Variants in VTI1A observed in about 807,000 individuals in gnomAD.
VTI1A encodes vesicle transport through interaction with t-SNAREs 1A.
VTI1A carries 22 observed loss-of-function variants against 34.9 expected under a neutral mutation model. The observed-to-expected ratio is 0.63, with a 90% CI of 0.45 to 0.90. The LOEUF (loss-of-function observed/expected upper bound fraction) is 0.90, where lower values mean the gene tolerates loss of function less well. VTI1A is among the 40% of genes least tolerant of loss of function. The pLI is 0.00. For missense variants in VTI1A, 268 were observed against 275.6 expected (o/e 0.97, Z 0.20); for synonymous variants, 87 against 97.3 (o/e 0.89, Z 0.62).
At chr10:112,724,080 G>A (rs1590117484) in intron 7 of VTI1A, among the ~76,000 whole-genome samples, 1 of 152,212 alleles carries the variant, frequency 6.6e-6, no homozygotes, top group East Asian at 1.9e-4. Flanking sequence ...GCATATCTTT[G>A]TATCCCACAC....
intron 3 of VTI1A, among the ~76,000 whole-genome samples, chr10:112,469,801 C>T (rs950777625): frequency 6.6e-6 from 1 of 152,186 alleles, no homozygotes; most frequent in Admixed American, 6.5e-5. Flanking sequence ...CATTTTCAGC[C>T]AAAGACTTAG....
intron 7 of VTI1A, among the ~76,000 whole-genome samples, chr10:112,811,486 A>C (rs1853294911): frequency 6.6e-6 from 1 of 151,778 alleles, no homozygotes; most frequent in Non-Finnish European, 1.5e-5. Context: ...CGAGGTCAGG[A>C]GATAGAGACC....
At chr10:112,735,554 G>A (rs939626682) in intron 7 of VTI1A, among the ~76,000 whole-genome samples, 5 of 152,144 alleles carry the variant, frequency 3.3e-5, no homozygotes, top group Non-Finnish European at 7.3e-5. Context: ...GTTCAAAACT[G>A]GTTTCCTTAC....
intron 7 of VTI1A, among the ~76,000 whole-genome samples, chr10:112,704,112 T>A (rs1459462134): frequency 6.6e-6 from 1 of 152,242 alleles, no homozygotes; most frequent in African/African-American, 2.4e-5. Flanking sequence ...TCATAACTAA[T>A]CACTCATTAG....
chr10:112,855,151 A>G, the VTI1A span, among the ~76,000 whole-genome samples: 3 of 152,120 alleles, frequency 2.0e-5, no homozygotes, highest in East Asian at 3.9e-4. Flanking sequence ...AGCTCGACCC[A>G]GGATGGGAAG....
At chr10:112,689,596 C>T (rs142934581) in intron 7 of VTI1A, among the ~76,000 whole-genome samples, 1 of 152,180 alleles carries the variant, frequency 6.6e-6, no homozygotes, top group African/African-American at 2.4e-5. Context: ...CTTCCTGAGC[C>T]CAGCCCTGGG....
At chr10:112,481,339 G>T (rs1485656391) in intron 3 of VTI1A, among the ~76,000 whole-genome samples, 3 of 152,176 alleles carry the variant, frequency 2.0e-5, no homozygotes, top group Non-Finnish European at 4.4e-5. Context: ...GTGGCAAAAT[G>T]AGTACTTTAA....
At chr10:112,660,363 G>A (rs1474579867) in intron 5 of VTI1A, among the ~76,000 whole-genome samples, 2 of 152,188 alleles carry the variant, frequency 1.3e-5, no homozygotes, top group African/African-American at 4.8e-5. Context: ...CTCCCAAAGT[G>A]CTGGGATTAC....
intron 7 of VTI1A, among the ~76,000 whole-genome samples, chr10:112,712,474 T>TCACACACA (rs60129148): frequency 0.015 from 2,098 of 143,442 alleles, 15 homozygotes; most frequent in Admixed American, 0.017. Context: ...TCAACTATTA[T>TCACACACA]CACACACACA....
intron 3 of VTI1A, among the ~76,000 whole-genome samples, chr10:112,486,675 A>ATACAGTTGTATATTCTTAAGAATG: frequency 6.6e-6 from 1 of 151,912 alleles, no homozygotes; most frequent in Admixed American, 6.6e-5. Flanking sequence ...TCTTAAGAAT[A>ATACAGTTGTATATTCTTAAGAATG]TACAACTTAT....
At chr10:112,624,738 A>G (rs543761041) in intron 5 of VTI1A, among the ~76,000 whole-genome samples, 33 of 152,268 alleles carry the variant, frequency 2.2e-4, no homozygotes, top group African/African-American at 7.9e-4. Context: ...AGTTTCCGAT[A>G]TGTTTTCTGC....
chr10:112,594,623 A>C (rs1199107407), intron 5 of VTI1A, among the ~76,000 whole-genome samples: 1 of 152,102 alleles, frequency 6.6e-6, no homozygotes, highest in Non-Finnish European at 1.5e-5. Flanking sequence ...GGACCTCTTC[A>C]AGGAGAACTA....
intron 7 of VTI1A, among the ~76,000 whole-genome samples, chr10:112,726,409 G>A (rs756500224): frequency 5.3e-5 from 8 of 152,070 alleles, no homozygotes; most frequent in African/African-American, 1.9e-4. Context: ...TGTCCAAGCC[G>A]TCAGTAGACA....
chr10:112,687,089 G>A (rs1848440721), intron 7 of VTI1A, among the ~76,000 whole-genome samples: 2 of 152,074 alleles, frequency 1.3e-5, no homozygotes, highest in African/African-American at 4.8e-5. Flanking sequence ...GGTGAATGGA[G>A]GGGTAGAGGG....
At chr10:112,468,015 A>G (rs1333176849) in intron 3 of VTI1A, among the ~76,000 whole-genome samples, 1 of 152,254 alleles carries the variant, frequency 6.6e-6, no homozygotes, top group Non-Finnish European at 1.5e-5. Context: ...TACATTATGT[A>G]AAGTGAATAA....
chr10:112,602,659 TA>T (rs1844920292), intron 5 of VTI1A, among the ~76,000 whole-genome samples: 3 of 152,372 alleles, frequency 2.0e-5, no homozygotes, highest in Admixed American at 2.0e-4. Flanking sequence ...CTTAGAATTG[TA>T]AGTCTTTACT....
At chr10:112,810,803 G>A (rs1028991061) in intron 7 of VTI1A, among the ~76,000 whole-genome samples, 1 of 152,208 alleles carries the variant, frequency 6.6e-6, no homozygotes, top group Non-Finnish European at 1.5e-5. Context: ...GCTAGGCCTG[G>A]TGAGGCCTCA....
chr10:112,530,244 T>G (rs1365542251), intron 4 of VTI1A, among the ~76,000 whole-genome samples: 1 of 152,178 alleles, frequency 6.6e-6, no homozygotes, highest in African/African-American at 2.4e-5. Flanking sequence ...TTTTGGGCTA[T>G]CAGCTTTCCA....
At chr10:112,537,335 A>ATATATATATATATATC (rs1202223178) in intron 4 of VTI1A, among the ~76,000 whole-genome samples, 1 of 134,120 alleles carries the variant, frequency 7.5e-6, no homozygotes, top group Admixed American at 7.4e-5. Context: ...ATATATATAT[A>ATATATATATATATATC]TATCTGTATC....
Sources: gnomAD v4.1 joint callset for allele counts (sites outside exome capture counted in the v4.1 genomes callset) on GRCh38, gnomAD v4.1.1 for gene constraint, MANE v1.5 for transcripts, NCBI Gene and HGNC (gene_info 2026-07-23, HGNC 2026-07-21) for gene names.